GMPR: variants seen among roughly 807,000 people sequenced by gnomAD.
GMPR encodes the protein GMP reductase 1.
GMPR carries 31 observed loss-of-function variants against 38.4 expected under a neutral mutation model. The observed-to-expected ratio is 0.81, with a 90% CI of 0.61 to 1.09. The LOEUF (loss-of-function observed/expected upper bound fraction) is 1.09. Among genes scored for constraint, GMPR ranks in the 50% least tolerant of loss-of-function variants. The pLI is 0.00. For missense variants in GMPR, 468 were observed against 453.7 expected, an observed-to-expected ratio of 1.03 and a Z score of -0.29; for synonymous variants, 162 against 173.3, an observed-to-expected ratio of 0.93 and a Z score of 0.51.
chr6:16,285,023 A>C (rs1304720308), intron 6 of GMPR, among the ~76,000 whole-genome samples: 1 of 131,022 alleles, frequency 7.6e-6, no homozygotes, highest in Non-Finnish European at 1.6e-5. Context: ...GTCTCAAAAA[A>C]AAAAAAAAAC....
intron 2 of GMPR, among the ~76,000 whole-genome samples, chr6:16,248,005 G>A (rs1434705042): frequency 1.2e-4 from 18 of 151,858 alleles, no homozygotes; most frequent in Admixed American, 8.5e-4. Context: ...GGAGGCAGGC[G>A]GATTGCTTGA....
intron 1 of GMPR, among the ~76,000 whole-genome samples, chr6:16,241,676 T>C (rs1758650924): frequency 6.6e-6 from 1 of 152,248 alleles, no homozygotes; most frequent in Non-Finnish European, 1.5e-5. Context: ...CTGAGTGTTT[T>C]CTTCCTTAGT....
chr6:16,281,182 G>A lies in GMPR; in HGVS notation c.654+2292G>A, dbSNP rs60650427. Among the ~76,000 whole-genome samples the A allele has an allele frequency of 2.6e-3, 392 of 152,302 alleles. 1 individual carries two copies. Among genetic ancestry groups the A allele is most frequent in the African/African-American group, 8.8e-3 (366 of 41,566 alleles). ...TTACAAATTCTTGGGCCCCACCATC[G>A]ACGTGACCTACAGAATCAGAACTCT... On this transcript the variant is annotated intron_variant, in intron 6 of 8. Coordinates refer to ENST00000259727, the MANE Select transcript of GMPR (RefSeq NM_006877.4).
chr6:16,264,288 G>A, intron 4 of GMPR: 1 of 175,256 alleles, frequency 5.7e-6, no homozygotes, highest in Non-Finnish European at 1.2e-5. Flanking sequence ...AAAGGAGAGA[G>A]GCTGAGGGAT....
intron 3 of GMPR, among the ~76,000 whole-genome samples, chr6:16,251,938 C>CA (rs1758883917): frequency 6.6e-6 from 1 of 152,136 alleles, no homozygotes; most frequent in South Asian, 2.1e-4. Flanking sequence ...GCTGAAGCCA[C>CA]AGACAGGTCT....
intron 2 of GMPR, 66 bp downstream of exon 2, chr6:16,247,027 A>G: frequency 6.7e-7 from 1 of 1,487,546 alleles, no homozygotes; most frequent in Non-Finnish European, 9.2e-7. Flanking sequence ...TCAGGAGCCG[A>G]CCCTGGCTTT....
intron 4 of GMPR, among the ~76,000 whole-genome samples, chr6:16,260,080 C>A (rs545937815): frequency 6.6e-6 from 1 of 152,066 alleles, no homozygotes; most frequent in Admixed American, 6.6e-5. Flanking sequence ...TACAGGAGCT[C>A]AAATAGGCTG....
intron 4 of GMPR, among the ~76,000 whole-genome samples, chr6:16,265,810 A>G (rs1284331112): frequency 6.6e-6 from 1 of 152,240 alleles, no homozygotes; most frequent in South Asian, 2.1e-4. Context: ...CCCACTCCGG[A>G]ACCCTTCCAC....
intron 5 of GMPR, among the ~76,000 whole-genome samples, chr6:16,275,232 A>C (rs1759453133): frequency 6.6e-6 from 1 of 152,238 alleles, no homozygotes; most frequent in Admixed American, 6.5e-5. Context: ...AGCAAGAAAG[A>C]ATATACACAT....
At chr6:16,265,678 C>A (rs374250460) in intron 4 of GMPR, among the ~76,000 whole-genome samples, 1 of 145,384 alleles carries the variant, frequency 6.9e-6, no homozygotes, top group Non-Finnish European at 1.6e-5. Context: ...TCTAGCTAAA[C>A]GCACCAATCA....
intron 4 of GMPR, among the ~76,000 whole-genome samples, chr6:16,271,803 C>T (rs866964392): frequency 6.6e-6 from 1 of 152,190 alleles, no homozygotes; most frequent in African/African-American, 2.4e-5. Flanking sequence ...CATCTGTTAG[C>T]ATTTTGGTGT....
chr6:16,258,474 G>C (rs1759021458), intron 4 of GMPR, among the ~76,000 whole-genome samples: 1 of 152,232 alleles, frequency 6.6e-6, no homozygotes, highest in Non-Finnish European at 1.5e-5. Context: ...CAGAACTTAG[G>C]AGTTGCTATG....
chr6:16,250,343 C>T lies in GMPR; in HGVS notation c.267C>T (p.Ala89=), dbSNP rs767132440. 1.2e-6 allele frequency: 2 copies of T among 1,606,088 alleles called. No individual in the cohort carries two copies. The highest frequency in any genetic ancestry group is 2.2e-5 in the South Asian group (2 of 90,890). The part of the protein sequence containing the change: ...HYSLDDWKLF[A]TNHPECLQNV... ...CCCTGGATGACTGGAAGCTCTTTGC[C>T]ACAAATCACCCAGAATGCCTGCAGG... The change falls in exon 3 of 9, where the codon GCC becomes GCT. Residue 89 remains alanine, a synonymous_variant. Coordinates refer to ENST00000259727, the MANE Select transcript of GMPR (RefSeq NM_006877.4).
chr6:16,266,195 G>A (rs539696654), intron 4 of GMPR, among the ~76,000 whole-genome samples: 1 of 89,372 alleles, frequency 1.1e-5, no homozygotes, highest in Non-Finnish European at 2.9e-5. Context: ...ATCTTTAAGA[G>A]CTGTAACACT....
intron 1 of GMPR, among the ~76,000 whole-genome samples, chr6:16,240,889 C>T (rs1454252986): frequency 1.3e-5 from 2 of 152,066 alleles, no homozygotes; most frequent in African/African-American, 4.8e-5. Context: ...CCAGCATTGC[C>T]TTTCTAATCG....
At chr6:16,254,000 G>A (rs1581649467) in intron 3 of GMPR, among the ~76,000 whole-genome samples, 1 of 151,720 alleles carries the variant, frequency 6.6e-6, no homozygotes, top group African/African-American at 2.4e-5. Context: ...GCACAATCTC[G>A]GCTCACTGCA....
chr6:16,238,684 C>G lies in GMPR; in HGVS notation c.-10C>G, dbSNP rs1166867801. On this transcript the variant is annotated 5_prime_UTR_variant, in exon 1 of 9. Transcript: ENST00000259727. ...CCGTCGCCGCCGCCGCAGCCAGGAG[C>G]CGCTGCACCATGCCCCGCATAGATG... is the stretch of plus-strand genomic sequence containing the variant. 1 of 1,369,670 alleles carries G rather than the reference C, an allele frequency of 7.3e-7. No individual in the cohort carries two copies. 84.8% of individuals were successfully genotyped at this position (1,369,670 alleles called of 1,614,324 possible).
In GMPR at chr6:16,238,711, G is replaced by A. The variant is rs778672609; in HGVS notation, c.18G>A (p.Ala6=). Residue 6 remains alanine (A), a synonymous_variant, in exon 1 of 9, where the codon GCG becomes GCA. Transcript: ENST00000259727. The part of the protein sequence containing the change: MPRID[A]DLKLDFKDVL... ...GCTGCACCATGCCCCGCATAGATGC[G>A]GACCTCAAGCTCGACTTCAAGGATG... is the stretch of plus-strand genomic sequence containing the variant. 2.7e-5 allele frequency: 39 copies of A among 1,430,762 alleles called. No homozygotes were observed. The highest frequency in any genetic ancestry group is 5.9e-5 in the African/African-American group (4 of 68,212). The allele number at this position is 1,430,762 out of a possible 1,614,324, so 88.6% of individuals were successfully genotyped here.
intron 4 of GMPR, among the ~76,000 whole-genome samples, chr6:16,266,357 A>C (rs1156553226): frequency 6.9e-6 from 1 of 145,230 alleles, no homozygotes; most frequent in Non-Finnish European, 1.5e-5. Context: ...TAAGAGCTGT[A>C]ACACTCACTG....
Sources: allele counts gnomAD v4.1 joint callset (sites outside exome capture counted in the v4.1 genomes callset), GRCh38; gene constraint gnomAD v4.1.1; transcripts MANE v1.5; gene names NCBI Gene and HGNC (gene_info 2026-07-23, HGNC 2026-07-21).